The following TRIM71 variants were observed in gnomAD, a reference collection of about 807,000 sequenced individuals.
TRIM71 encodes the protein tripartite motif containing 71.
In TRIM71, 9 loss-of-function variants were observed where a neutral mutation model predicts 61.2. The observed-to-expected ratio is 0.15, with a 90% CI of 0.09 to 0.26. TRIM71 has a LOEUF of 0.26. TRIM71 is among the 10% of genes least tolerant of loss of function. TRIM71 has a pLI of 1.00. For missense variants in TRIM71, 998 were observed against 1,238.7 expected, an observed-to-expected ratio of 0.81 and a Z score of 2.92; for synonymous variants, 645 against 553.2, an observed-to-expected ratio of 1.17 and a Z score of -2.33.
intron 1 of TRIM71, among the ~76,000 whole-genome samples, chr3:32,860,530 TCTC>T (rs10531940): frequency 0.52 from 78,990 of 151,626 alleles, 21,050 homozygotes; most frequent in East Asian, 0.85. Context: ...GTTGCCCTAC[TCTC>T]CTCATTGCTC....
At chr3:32,832,417 A>G (rs1369180477) in intron 1 of TRIM71, among the ~76,000 whole-genome samples, 1 of 152,200 alleles carries the variant, frequency 6.6e-6, no homozygotes, top group African/African-American at 2.4e-5. Flanking sequence ...GCAGTGCGCT[A>G]TGATCATGCC....
At chr3:32,819,910 G>A (rs1328107481) in intron 1 of TRIM71, among the ~76,000 whole-genome samples, 2 of 152,202 alleles carry the variant, frequency 1.3e-5, no homozygotes, top group Non-Finnish European at 2.9e-5. Flanking sequence ...TGCAACCCTC[G>A]GGCTCGATTT....
At position 32,890,603 on chromosome 3, in the gene TRIM71, G is replaced by T. The variant is rs150682719; in HGVS notation, c.1399G>T (p.Ala467Ser). Residue 467 changes from alanine to serine, a missense_variant, in exon 4 of 4, where the codon GCA becomes TCA. Transcript: ENST00000383763. This position sits in a 1 kb window ranked among gnomAD's most constrained non-coding sequence, Gnocchi z 6.2. ...DRVMFTPPDQ[A>S]LYLAIKSFGF... ...AGTCATGTTCACACCCCCCGATCAGGCACTGTACCTTGCCATCAAGTCTTT... is the reference window on the plus strand; with the variant it reads ...AGTCATGTTCACACCCCCCGATCAGTCACTGTACCTTGCCATCAAGTCTTT... The T allele has an allele frequency of 5.5e-5, 88 of 1,613,820 alleles. No homozygotes were observed. The highest frequency in any genetic ancestry group is 1.6e-4 in the Middle Eastern group (1 of 6,084).
At chr3:32,841,310 C>T (rs1276257789) in intron 1 of TRIM71, among the ~76,000 whole-genome samples, 3 of 151,992 alleles carry the variant, frequency 2.0e-5, no homozygotes, top group South Asian at 2.1e-4. Context: ...CTGATTGTAT[C>T]GATAGTACCC....
chr3:32,877,444 G>A (rs932271380), intron 2 of TRIM71, among the ~76,000 whole-genome samples: 6 of 151,714 alleles, frequency 4.0e-5, no homozygotes, highest in Non-Finnish European at 7.4e-5. Flanking sequence ...CAAACTCCTG[G>A]GCTTTTAGGC....
intron 1 of TRIM71, among the ~76,000 whole-genome samples, chr3:32,873,207 C>T (rs1407565724): frequency 6.6e-6 from 1 of 151,958 alleles, no homozygotes; most frequent in African/African-American, 2.4e-5. Context: ...AGAAGAAAGG[C>T]AAGGAGCTGG....
chr3:32,881,492 CAGATTTG>C (rs1278780399), intron 2 of TRIM71, among the ~76,000 whole-genome samples: 1 of 152,148 alleles, frequency 6.6e-6, no homozygotes. Flanking sequence ...CCTTGAGAGC[CAGATTTG>C]GCCCAAGTCT....
rs1027440146 is a variant in TRIM71, at chr3:32,818,722, C to T, written c.642C>T (p.Asp214=). ...EGNAASSRCL[D]CQEHLCDNCV... is the part of the protein sequence containing the mutation. Reference sequence around the variant, plus strand: ...ACGCAGCTTCTTCGCGCTGCCTCGACTGCCAGGAGCACCTGTGCGACAACT... The same window carrying T: ...ACGCAGCTTCTTCGCGCTGCCTCGATTGCCAGGAGCACCTGTGCGACAACT... Residue 214 remains aspartate, a synonymous_variant, in exon 1 of 4, where the codon GAC becomes GAT. Coordinates refer to ENST00000383763, the MANE Select transcript of TRIM71 (RefSeq NM_001039111.3). 1.9e-6 allele frequency: 3 copies of T among 1,596,248 alleles called. No individual in the cohort carries two copies. The highest frequency in any genetic ancestry group is 2.7e-5 in the African/African-American group (2 of 74,736).
intron 1 of TRIM71, among the ~76,000 whole-genome samples, chr3:32,854,044 C>G (rs908612335): frequency 1.3e-5 from 2 of 152,094 alleles, no homozygotes; most frequent in African/African-American, 4.8e-5. Flanking sequence ...GTGTTGGCCC[C>G]TTTGGGCGAT....
chr3:32,863,737 A>C (rs113482476), intron 1 of TRIM71, among the ~76,000 whole-genome samples: 1 of 152,012 alleles, frequency 6.6e-6, no homozygotes, highest in African/African-American at 2.4e-5. Context: ...GCTGGAGTGC[A>C]GTGGTGAGAT....
At chr3:32,869,696 G>C (rs549510129) in intron 1 of TRIM71, among the ~76,000 whole-genome samples, 1 of 152,076 alleles carries the variant, frequency 6.6e-6, no homozygotes, top group East Asian at 1.9e-4. Flanking sequence ...TCTCCCGCCC[G>C]TTCCTTTCCT....
intron 1 of TRIM71, among the ~76,000 whole-genome samples, chr3:32,844,903 C>T (rs148768692): frequency 1.6e-3 from 242 of 152,270 alleles, no homozygotes; most frequent in African/African-American, 5.0e-3. Context: ...ATTTTAATGA[C>T]ATTGGGATGG....
At chr3:32,844,735 C>T (rs1460198950) in intron 1 of TRIM71, among the ~76,000 whole-genome samples, 1 of 152,166 alleles carries the variant, frequency 6.6e-6, no homozygotes, top group Non-Finnish European at 1.5e-5. Context: ...GAAGCTTTAA[C>T]TTAGCTGATG....
Position 32,897,772 on chromosome 3 carries a change from A to G in TRIM71, c.*5961A>G, listed in dbSNP as rs1697095733. On this transcript the variant is annotated 3_prime_UTR_variant, in exon 4 of 4. Coordinates refer to ENST00000383763, the MANE Select transcript of TRIM71 (RefSeq NM_001039111.3). ...CTCTTTGGACTTTAAAATTGTTCCT[A>G]TGCAGCTTATTTTATTTTTGTTTAA... The G allele has an allele frequency of 6.6e-6, 1 of 152,164 alleles. No homozygotes were observed. The highest frequency in any genetic ancestry group is 1.9e-4 in the East Asian group (1 of 5,196). 9.4% of individuals were successfully genotyped at this position (152,164 alleles called of 1,614,324 possible). A position where few individuals can be genotyped will look rare whatever the true frequency, so the allele number is the denominator to read the frequency against.
At chr3:32,860,594 G>A (rs1696656405) in intron 1 of TRIM71, among the ~76,000 whole-genome samples, 1 of 152,170 alleles carries the variant, frequency 6.6e-6, no homozygotes. Flanking sequence ...GATCACCATT[G>A]CTCTCTACAG....
intron 1 of TRIM71, among the ~76,000 whole-genome samples, chr3:32,860,738 C>T (rs1696657622): frequency 6.6e-6 from 1 of 152,202 alleles, no homozygotes; most frequent in South Asian, 2.1e-4. Context: ...ATCTCAGAAG[C>T]TCCTAAAGCA....
Position 32,885,969 on chromosome 3 carries a change from G to C in TRIM71, c.1056G>C (p.Gln352His), listed in dbSNP as rs1014001184. 3 of 1,614,170 alleles carry C rather than the reference G, an allele frequency of 1.9e-6. No homozygotes were observed. Among genetic ancestry groups the C allele is most frequent in the Non-Finnish European group, 2.5e-6 (3 of 1,180,020 alleles). ...AGCAGGCCCAGACGGTGGCGGAACA[G>C]GTGGAGATGAAGGCGAAGGTTGTGC... Reference protein sequence around the residue: ...SIEQAQTVAEQVEMKAKVVQS... With the variant: ...SIEQAQTVAEHVEMKAKVVQS... Residue 352 changes from glutamine to histidine, a missense_variant, in exon 3 of 4, where the codon CAG becomes CAC. Physicochemically the swap from Gln to His is conservative, Grantham distance 24. Coordinates refer to ENST00000383763, the MANE Select transcript of TRIM71 (RefSeq NM_001039111.3).
intron 1 of TRIM71, among the ~76,000 whole-genome samples, chr3:32,854,417 C>G (rs1397758678): frequency 6.6e-6 from 1 of 152,148 alleles, no homozygotes; most frequent in Non-Finnish European, 1.5e-5. Flanking sequence ...TTAGGCTGTT[C>G]AGGCTCTGAG....
chr3:32,824,029 C>G (rs373786954), intron 1 of TRIM71, among the ~76,000 whole-genome samples: 1 of 150,974 alleles, frequency 6.6e-6, no homozygotes, highest in East Asian at 2.0e-4. Context: ...GATCCGAGAT[C>G]GTGCCGCTGC....
Sources: gnomAD v4.1 joint callset for allele counts (sites outside exome capture counted in the v4.1 genomes callset) on GRCh38, gnomAD v4.1.1 for gene constraint, Gnocchi (gnomAD v3.1) non-coding constraint, MANE v1.5 for transcripts, NCBI Gene and HGNC (gene_info 2026-07-23, HGNC 2026-07-21) for gene names.